TADA3: variants seen among roughly 807,000 people sequenced by gnomAD.
TADA3 encodes transcriptional adaptor 3, also known as transcriptional adapter 3.
TADA3 carries 25 observed loss-of-function variants against 43.2 expected under a neutral mutation model. The observed-to-expected ratio is 0.58, with a 90% CI of 0.42 to 0.81. The LOEUF (loss-of-function observed/expected upper bound fraction) is 0.81. TADA3 is among the 30% of genes least tolerant of loss of function. The pLI is 0.00. For synonymous variants in TADA3, 235 were observed against 225.5 expected (o/e 1.04, Z -0.38); for missense variants, 441 against 567.8 (o/e 0.78, Z 2.27).
chr3:9,780,264 G>A lies in TADA3; in HGVS notation c.*93C>T. On this transcript the variant is annotated 3_prime_UTR_variant, in exon 9 of 9. Coordinates refer to ENST00000301964, the MANE Select transcript of TADA3 (RefSeq NM_006354.5). ...AGAGACTGCCGCCATTTGAGGGACA[G>A]CCACAGGCCAATGTTTCCTGTGCCC... 2 of 1,371,590 alleles carry A rather than the reference G, an allele frequency of 1.5e-6. No homozygotes were observed. The highest frequency in any genetic ancestry group is 4.6e-5 in the East Asian group (2 of 43,190). The allele number at this position is 1,371,590 out of a possible 1,614,324, so 85.0% of individuals were successfully genotyped here.
chr3:9,785,521 T>C, intron 6 of TADA3, 96 bp from the exon 7 acceptor site: 1 of 805,416 alleles, frequency 1.2e-6, no homozygotes, highest in East Asian at 2.7e-5. Flanking sequence ...ACCAGAAATA[T>C]CCTTTTATCT....
rs1048096367 is a variant in TADA3 at position 9,784,045 on chromosome 3, C to T, written c.1089G>A (p.Lys363=). Residue 363 remains lysine, a synonymous_variant, in exon 8 of 9, where the codon AAG becomes AAA. Coordinates refer to ENST00000301964, the MANE Select transcript of TADA3 (RefSeq NM_006354.5). The stretch of plus-strand genomic sequence containing the variant: ...ACGCTCACCTCAGCAGGTCGTGCTT[C>T]TTGGTGCGGTTGTGGGCACTAAGTG... ...LKALSAHNRT[K]KHDLLRLAKE... 1 of 1,613,886 alleles carries T rather than the reference C, an allele frequency of 6.2e-7. No homozygotes were observed. The highest frequency in any genetic ancestry group is 8.5e-7 in the Non-Finnish European group (1 of 1,179,930).
intron 6 of TADA3, among the ~76,000 whole-genome samples, chr3:9,786,140 C>T (rs1475127515): frequency 6.6e-6 from 1 of 152,096 alleles, no homozygotes; most frequent in Non-Finnish European, 1.5e-5. Context: ...GGGGTTTCAT[C>T]ATGTTAGCCA....
At chr3:9,792,940 C>A, upstream of TADA3, 1 of 1,414,392 alleles carries the variant, frequency 7.1e-7, no homozygotes, top group South Asian at 1.5e-5. Context: ...ACCGAGACAG[C>A]CCTAGGTGGA....
At chr3:9,784,831 T>C (rs902466436) in intron 7 of TADA3, among the ~76,000 whole-genome samples, 2 of 144,392 alleles carry the variant, frequency 1.4e-5, no homozygotes, top group Admixed American at 1.4e-4. Flanking sequence ...GCCATTGCGC[T>C]CCAACCTAAA....
Position 9,789,974 on chromosome 3 carries a change from C to A in TADA3, c.208-11G>T, listed in dbSNP as rs375594706. On this transcript the variant is annotated splice_polypyrimidine_tract_variant and intron_variant, in intron 2 of 8. Coordinates refer to ENST00000301964, the MANE Select transcript of TADA3 (RefSeq NM_006354.5). ...CCAGTCGGTGAGGATCTGAAATTTA[C>A]AGAAAGTGTCACTGAGGGGGAGAAG... The A allele has an allele frequency of 1.8e-5, 29 of 1,576,798 alleles. No homozygotes were observed. In the African/African-American group the frequency reaches 1.9e-4, roughly 10 times the overall value.
chr3:9,789,625 A>C lies in TADA3; in HGVS notation c.459-11T>G. ...ACTGAAGCCCAGAACCTGCAGGGAG[A>C]AGCAGATCCTGAGTGGGCGCCCCTG... is the stretch of plus-strand genomic sequence containing the variant. On this transcript the variant is annotated splice_polypyrimidine_tract_variant and intron_variant, in intron 3 of 8. Coordinates refer to ENST00000301964, the MANE Select transcript of TADA3 (RefSeq NM_006354.5). The C allele has an allele frequency of 6.2e-7, 1 of 1,613,474 alleles. No individual in the cohort carries two copies. The highest frequency in any genetic ancestry group is 8.5e-7 in the Non-Finnish European group (1 of 1,179,688).
chr3:9,792,379 G>A lies in TADA3; in HGVS notation c.-191C>T, dbSNP rs2078759618. On this transcript the variant is annotated 5_prime_UTR_variant, in exon 1 of 9. Coordinates refer to ENST00000301964, the MANE Select transcript of TADA3 (RefSeq NM_006354.5). ...CTAGGGACACCCTAGTGCGACCCCC[G>A]CCCCCTCTACCTCCTCGCTGCGGCC... 4.9e-6 allele frequency: 3 copies of A among 608,678 alleles called. No homozygotes were observed. Among genetic ancestry groups the A allele is most frequent in the African/African-American group, 2.0e-5 (1 of 51,138 alleles). The allele number at this position is 608,678 out of a possible 1,614,324, so 37.7% of individuals were successfully genotyped here. A position where few individuals can be genotyped will look rare whatever the true frequency, so the allele number is the denominator to read the frequency against.
intron 6 of TADA3, 130 bp downstream of exon 6, chr3:9,786,876 G>A (rs192986290): frequency 1.9e-5 from 15 of 785,938 alleles, no homozygotes; most frequent in African/African-American, 1.2e-4. Context: ...TATTAGTCCA[G>A]GTTTTTACTT....
chr3:9,780,566 G>T lies in TADA3; in HGVS notation c.1107-17C>A. On this transcript the variant is annotated splice_polypyrimidine_tract_variant and intron_variant, in intron 8 of 8. Coordinates refer to ENST00000301964, the MANE Select transcript of TADA3 (RefSeq NM_006354.5). Reference sequence around the variant, plus strand: ...TTTGCCAGCCTGTGGGGACCAGCCAGCCAGGTGCCAGGGTCAGCCCACCTC... The same window carrying T: ...TTTGCCAGCCTGTGGGGACCAGCCATCCAGGTGCCAGGGTCAGCCCACCTC... The T allele has an allele frequency of 6.3e-7, 1 of 1,593,368 alleles. No homozygotes were observed. Among genetic ancestry groups the T allele is most frequent in the Non-Finnish European group, 8.5e-7 (1 of 1,176,472 alleles).
intron 2 of TADA3, 54 bp from the exon 3 acceptor site, chr3:9,790,017 TC>T (rs1198978153): frequency 6.6e-7 from 1 of 1,525,110 alleles, no homozygotes; most frequent in African/African-American, 1.4e-5. Context: ...ACAGAATATC[TC>T]TTTCCTCTAG....
chr3:9,786,678 T>C (rs1559718773), intron 6 of TADA3, among the ~76,000 whole-genome samples: 1 of 152,032 alleles, frequency 6.6e-6, no homozygotes, highest in Non-Finnish European at 1.5e-5. Flanking sequence ...AATTGTGGAG[T>C]AAGGCTACCT....
At chr3:9,792,980 G>A (rs752262374), upstream of TADA3, 8 of 1,432,666 alleles carry the variant, frequency 5.6e-6, no homozygotes, top group Middle Eastern at 1.9e-4. Flanking sequence ...GCGTTCGTAA[G>A]GGCTCTCTAC....
At chr3:9,786,816 C>T (rs1289136424) in intron 6 of TADA3, among the ~76,000 whole-genome samples, 190 bp downstream of exon 6, 1 of 152,198 alleles carries the variant, frequency 6.6e-6, no homozygotes, top group Non-Finnish European at 1.5e-5. Context: ...GATCTGTGCA[C>T]TTTTCTATTA....
chr3:9,791,235 G>A, intron 2 of TADA3, 25 bp downstream of exon 2: 1 of 1,599,402 alleles, frequency 6.3e-7, no homozygotes, highest in Non-Finnish European at 8.5e-7. Flanking sequence ...CATCTCTGGT[G>A]CTGGCCCCTC....
chr3:9,780,199 G>A lies in TADA3; in HGVS notation c.*158C>T. 1.4e-6 allele frequency: 1 copy of A among 703,796 alleles called. No homozygotes were observed. The highest frequency in any genetic ancestry group is 2.3e-6 in the Non-Finnish European group (1 of 433,782). The allele number at this position is 703,796 out of a possible 1,614,324, so 43.6% of individuals were successfully genotyped here. ...GCTTCCTGTGTCCTGGTTGTACAGAGCTAGGCCAAAAGACCTCAGGGGAAG... is the reference window on the plus strand; with the variant it reads ...GCTTCCTGTGTCCTGGTTGTACAGAACTAGGCCAAAAGACCTCAGGGGAAG... On this transcript the variant is annotated 3_prime_UTR_variant, in exon 9 of 9. Coordinates refer to ENST00000301964, the MANE Select transcript of TADA3 (RefSeq NM_006354.5).
intron 8 of TADA3, among the ~76,000 whole-genome samples, chr3:9,781,833 CTTTTTTTTTTTTTTT>C (rs35246642): frequency 0.013 from 1,144 of 86,934 alleles, 14 homozygotes; most frequent in Non-Finnish European, 0.018. Flanking sequence ...CCCATTACTT[CTTTTTTTTTTTTTTT>C]TTTTTTTTTT....
upstream of TADA3, chr3:9,792,981 G>T: frequency 7.0e-7 from 1 of 1,436,606 alleles, no homozygotes; most frequent in East Asian, 2.8e-5. Flanking sequence ...CGTTCGTAAG[G>T]GCTCTCTACC....
At chr3:9,785,662 A>G (rs2078590390) in intron 6 of TADA3, among the ~76,000 whole-genome samples, 2 of 152,242 alleles carry the variant, frequency 1.3e-5, no homozygotes, top group African/African-American at 4.8e-5. Flanking sequence ...TTAACACTCA[A>G]TGATGGTAAT....
Sources: gnomAD v4.1 joint callset for allele counts (sites outside exome capture counted in the v4.1 genomes callset) on GRCh38, gnomAD v4.1.1 for gene constraint, MANE v1.5 for transcripts, NCBI Gene and HGNC (gene_info 2026-07-23, HGNC 2026-07-21) for gene names.